Variants in PCLO observed in about 807,000 individuals in gnomAD.
PCLO encodes piccolo presynaptic cytomatrix protein.
Under a neutral mutation model 427.5 loss-of-function variants are expected in PCLO, and 82 were observed. That is an observed-to-expected ratio of 0.19 (90% CI 0.16 to 0.23). The LOEUF (loss-of-function observed/expected upper bound fraction) is 0.23, where lower values mean the gene tolerates loss of function less well. Ranked by LOEUF, PCLO falls within the 10% of genes least tolerant of loss-of-function variation. The probability of loss-of-function intolerance (pLI) is 1.00; values close to 1 mark genes in which losing one functional copy is unlikely to be tolerated. For synonymous variants in PCLO, 2,357 were observed against 2,155.4 expected, an observed-to-expected ratio of 1.09 and a Z score of -2.59; for missense variants, 6,239 against 6,115.9, an observed-to-expected ratio of 1.02 and a Z score of -0.67.
At chr7:82,870,569 A>G (rs1370553683) in intron 10 of PCLO, among the ~76,000 whole-genome samples, 1 of 152,092 alleles carries the variant, frequency 6.6e-6, no homozygotes, top group Non-Finnish European at 1.5e-5. Flanking sequence ...ACAAGCAACA[A>G]AAGCAAAATT....
chr7:83,048,857 G>A (rs1209178966), intron 3 of PCLO, among the ~76,000 whole-genome samples: 1 of 151,960 alleles, frequency 6.6e-6, no homozygotes, highest in Admixed American at 6.6e-5. Context: ...AAACTATTCT[G>A]AGCCCACTAT....
At chr7:83,032,812 A>G (rs1200627021) in intron 3 of PCLO, among the ~76,000 whole-genome samples, 1 of 152,104 alleles carries the variant, frequency 6.6e-6, no homozygotes, top group East Asian at 1.9e-4. Context: ...AATACCTGTA[A>G]TACTCCAAAT....
intron 3 of PCLO, among the ~76,000 whole-genome samples, chr7:83,021,278 C>T (rs1788336232): frequency 6.6e-6 from 1 of 152,124 alleles, no homozygotes; most frequent in African/African-American, 2.4e-5. Context: ...CTGCTGCAAA[C>T]CCTGTTGTCT....
At chr7:83,028,213 G>A (rs1269238292) in intron 3 of PCLO, among the ~76,000 whole-genome samples, 1 of 151,578 alleles carries the variant, frequency 6.6e-6, no homozygotes, top group East Asian at 1.9e-4. Context: ...AAACCCCATT[G>A]TCTCAGCCCA....
At chr7:83,118,975 T>C (rs1791204723) in intron 3 of PCLO, among the ~76,000 whole-genome samples, 2 of 151,634 alleles carry the variant, frequency 1.3e-5, no homozygotes, top group Admixed American at 6.6e-5. Context: ...GAGGGAAATA[T>C]AAAAAAAAAT....
intron 10 of PCLO, among the ~76,000 whole-genome samples, chr7:82,850,042 A>G (rs1792609151): frequency 6.6e-6 from 1 of 152,012 alleles, no homozygotes; most frequent in Non-Finnish European, 1.5e-5. Flanking sequence ...AGGGTCTTGC[A>G]CTATCACCCA....
chr7:82,818,579 A>G (rs1791724373), intron 20 of PCLO, among the ~76,000 whole-genome samples: 1 of 152,184 alleles, frequency 6.6e-6, no homozygotes, highest in Admixed American at 6.6e-5. Flanking sequence ...AGTCATAAAT[A>G]AGTACATGAC....
At chr7:82,840,000 C>A (rs1418197483) in intron 14 of PCLO, among the ~76,000 whole-genome samples, 1 of 151,980 alleles carries the variant, frequency 6.6e-6, no homozygotes, top group Non-Finnish European at 1.5e-5. Context: ...AGAATTACAT[C>A]TTACTCCTTA....
At chr7:82,887,111 G>A (rs959202207) in intron 9 of PCLO, among the ~76,000 whole-genome samples, 7 of 151,946 alleles carry the variant, frequency 4.6e-5, no homozygotes, top group East Asian at 1.9e-4. Flanking sequence ...CTTTTTTTGC[G>A]TTGCCTTTCT....
At chr7:82,965,208 AT>A (rs1396367426) in intron 4 of PCLO, among the ~76,000 whole-genome samples, 1 of 152,132 alleles carries the variant, frequency 6.6e-6, no homozygotes, top group African/African-American at 2.4e-5. Flanking sequence ...GATACATTAT[AT>A]TAAAAATCAT....
chr7:82,803,004 C>T (rs1411008892), intron 21 of PCLO, among the ~76,000 whole-genome samples: 1 of 152,014 alleles, frequency 6.6e-6, no homozygotes, highest in Non-Finnish European at 1.5e-5. Context: ...GCAAATTAAG[C>T]AATTTCCAAC....
chr7:82,834,426 G>C (rs1792174511), intron 16 of PCLO, among the ~76,000 whole-genome samples: 1 of 152,136 alleles, frequency 6.6e-6, no homozygotes, highest in Non-Finnish European at 1.5e-5. Context: ...AAGTTTCTGG[G>C]CAATAGCAAG....
chr7:82,875,317 A>T (rs1793343084), intron 10 of PCLO, among the ~76,000 whole-genome samples: 1 of 152,094 alleles, frequency 6.6e-6, no homozygotes, highest in African/African-American at 2.4e-5. Flanking sequence ...GAGTGTTTTA[A>T]AACCATTTTA....
At position 83,155,933 on chromosome 7, in the gene PCLO, G is replaced by T; in HGVS notation, c.708C>A (p.Pro236=). The change falls in exon 2 of 25, where the codon CCC becomes CCA. Residue 236 remains proline (P), a synonymous_variant. Transcript: ENST00000333891. ...GRDPLQQDGT[P]KSISSQQPEK... is the part of the protein sequence containing the mutation. Reference sequence around the variant, plus strand: ...CTGGTTGTTGAGAAGATATTGATTTGGGAGTGCCATCCTGCTGAAGCGGAT... The same window carrying T: ...CTGGTTGTTGAGAAGATATTGATTTTGGAGTGCCATCCTGCTGAAGCGGAT... The T allele has an allele frequency of 6.2e-7, 1 of 1,613,848 alleles. No homozygotes were observed. The highest frequency in any genetic ancestry group is 8.5e-7 in the Non-Finnish European group (1 of 1,179,836).
intron 22 of PCLO, among the ~76,000 whole-genome samples, chr7:82,763,894 C>T (rs1790480168): frequency 6.6e-6 from 1 of 151,974 alleles, no homozygotes; most frequent in Non-Finnish European, 1.5e-5. Flanking sequence ...TTTCAACTAT[C>T]AAGCCTACAA....
At chr7:82,896,261 C>T (rs1012719789) in intron 9 of PCLO, among the ~76,000 whole-genome samples, 4 of 151,612 alleles carry the variant, frequency 2.6e-5, no homozygotes, top group East Asian at 1.9e-4. Flanking sequence ...GAAAATCTCA[C>T]GGAAAAACAA....
intron 9 of PCLO, among the ~76,000 whole-genome samples, chr7:82,902,103 G>T (rs1187082401): frequency 6.6e-6 from 1 of 151,790 alleles, no homozygotes; most frequent in Non-Finnish European, 1.5e-5. Context: ...TATAAATCAT[G>T]CTGCTATAAA....
intron 20 of PCLO, among the ~76,000 whole-genome samples, chr7:82,810,942 G>A (rs1022382254): frequency 1.3e-5 from 2 of 151,670 alleles, no homozygotes; most frequent in South Asian, 2.1e-4. Context: ...TAAAAGGCAA[G>A]GTCTCTGCCT....
At chr7:83,048,142 G>C (rs574732114) in intron 3 of PCLO, among the ~76,000 whole-genome samples, 2 of 152,008 alleles carry the variant, frequency 1.3e-5, no homozygotes, top group South Asian at 4.1e-4. Flanking sequence ...TTAAATGTTT[G>C]CTGCTTTATA....
Sources: gnomAD v4.1 joint callset for allele counts (sites outside exome capture counted in the v4.1 genomes callset) on GRCh38, gnomAD v4.1.1 for gene constraint, MANE v1.5 for transcripts, NCBI Gene and HGNC (gene_info 2026-07-23, HGNC 2026-07-21) for gene names.